Variants in HERPUD2 observed in about 807,000 individuals in gnomAD.
HERPUD2 encodes homocysteine-responsive endoplasmic reticulum-resident ubiquitin-like domain member 2 protein.
A neutral mutation model predicts 49.9 loss-of-function variants in HERPUD2; 13 were observed. The observed-to-expected ratio is 0.26, with a 90% confidence interval of 0.17 to 0.41. HERPUD2 has a LOEUF of 0.41. Among genes scored for constraint, HERPUD2 ranks in the 10% least tolerant of loss-of-function variants. The probability of loss-of-function intolerance (pLI) is 1.00; values close to 1 mark genes in which losing one functional copy is unlikely to be tolerated. For synonymous variants in HERPUD2, 172 were observed against 171.4 expected, an observed-to-expected ratio of 1.00 and a Z score of -0.03; for missense variants, 449 against 492.2, an observed-to-expected ratio of 0.91 and a Z score of 0.83.
intron 5 of HERPUD2, among the ~76,000 whole-genome samples, chr7:35,663,204 C>A (rs189526842): frequency 1.3e-5 from 2 of 152,234 alleles, no homozygotes; most frequent in African/African-American, 4.8e-5. Flanking sequence ...TAATTCTGAG[C>A]TTTAGTTTGA....
At position 35,667,572 on chromosome 7, in the gene HERPUD2, C is replaced by T; in HGVS notation, c.356G>A (p.Gly119Glu). Residue 119 changes from glycine (G) to glutamate (E), a missense_variant, in exon 5 of 9, where the codon GGA becomes GAA. By Grantham distance (98) the Gly-to-Glu change is moderately conservative. Coordinates refer to ENST00000311350, the MANE Select transcript of HERPUD2 (RefSeq NM_022373.5). ...TTGACCAGATGATGGAGTTGTTGAT[C>T]CTGAATGATCTGAACTCTACAAATA... ...SSSNSSSDHS[G>E]STTPSSGQET... 1 of 1,612,566 alleles carries T rather than the reference C, an allele frequency of 6.2e-7. No homozygotes were observed. Among genetic ancestry groups the T allele is most frequent in the Non-Finnish European group, 8.5e-7 (1 of 1,178,768 alleles).
chr7:35,667,605 A>T lies in HERPUD2; in HGVS notation c.340-17T>A, dbSNP rs772028671. 1 of 1,574,836 alleles carries T rather than the reference A, an allele frequency of 6.3e-7. No homozygotes were observed. Among genetic ancestry groups the T allele is most frequent in the Non-Finnish European group, 8.7e-7 (1 of 1,147,452 alleles). ...ATCTGAACTCTACAAATAAAAATGT[A>T]ATTTTTAAAAGGAGATTTAGTTCTT... On this transcript the variant is annotated splice_polypyrimidine_tract_variant and intron_variant, in intron 4 of 8. Coordinates refer to ENST00000311350, the MANE Select transcript of HERPUD2 (RefSeq NM_022373.5).
chr7:35,682,343 G>A (rs1209748079), intron 2 of HERPUD2, among the ~76,000 whole-genome samples: 1 of 37,798 alleles, frequency 2.6e-5, no homozygotes, highest in Admixed American at 2.3e-4. Context: ...GTGTGTGTGT[G>A]TGTGTGTGTG....
chr7:35,694,607 C>T lies in HERPUD2; in HGVS notation c.-277G>A. 2.1e-6 allele frequency: 1 copy of T among 475,190 alleles called. No individual in the cohort carries two copies. The highest frequency in any genetic ancestry group is 3.3e-5 in the Admixed American group (1 of 30,318). The allele number at this position is 475,190 out of a possible 1,614,324, so 29.4% of individuals were successfully genotyped here. A position where few individuals can be genotyped will look rare whatever the true frequency, so the allele number is the denominator to read the frequency against. ...TCCGCCGGGCTCCGGACTGTGGAGGCCGTCGTGAGGAGAAAGGAAGCTATA... is the reference window on the plus strand; with the variant it reads ...TCCGCCGGGCTCCGGACTGTGGAGGTCGTCGTGAGGAGAAAGGAAGCTATA... On this transcript the variant is annotated 5_prime_UTR_variant, in exon 2 of 9. Transcript: ENST00000311350.
At chr7:35,657,977 C>A (rs1294783336) in intron 5 of HERPUD2, among the ~76,000 whole-genome samples, 1 of 151,928 alleles carries the variant, frequency 6.6e-6, no homozygotes, top group East Asian at 1.9e-4. Flanking sequence ...ATCCAGCAAT[C>A]CCACTACTAG....
intron 5 of HERPUD2, among the ~76,000 whole-genome samples, chr7:35,647,237 ATTGC>A (rs1785071798): frequency 6.6e-6 from 1 of 151,992 alleles, no homozygotes; most frequent in Non-Finnish European, 1.5e-5. Context: ...AGACTCTGCG[ATTGC>A]TTTATTCTCC....
chr7:35,638,447 G>T lies in HERPUD2; in HGVS notation c.520C>A (p.Gln174Lys). Residue 174 changes from glutamine to lysine, a missense_variant, in exon 6 of 9, where the codon CAA (glutamine) becomes AAA (lysine). Physicochemically the swap from Gln to Lys is moderately conservative, Grantham distance 53. Transcript: ENST00000311350. ...QGNVDNQFPG[Q>K]AAPPGFPVYP... Reference sequence around the variant, plus strand: ...ACTGGGAATCCAGGTGGAGCAGCTTGCCCAGGAAATTGGTTGTCTACATTT... The same window carrying T: ...ACTGGGAATCCAGGTGGAGCAGCTTTCCCAGGAAATTGGTTGTCTACATTT... 6.2e-7 allele frequency: 1 copy of T among 1,613,396 alleles called. No homozygotes were observed. Among genetic ancestry groups the T allele is most frequent in the Non-Finnish European group, 8.5e-7 (1 of 1,179,510 alleles).
chr7:35,641,495 A>G (rs1168531754), intron 5 of HERPUD2, among the ~76,000 whole-genome samples: 1 of 152,182 alleles, frequency 6.6e-6, no homozygotes, highest in Non-Finnish European at 1.5e-5. Flanking sequence ...TATGGAACCA[A>G]AAAAGAGCCT....
At chr7:35,660,699 T>C (rs1785397458) in intron 5 of HERPUD2, among the ~76,000 whole-genome samples, 2 of 152,246 alleles carry the variant, frequency 1.3e-5, no homozygotes, top group Admixed American at 1.3e-4. Context: ...CCTGTTCATA[T>C]ACTTTGCCCA....
chr7:35,678,148 G>A (rs1043423672), intron 2 of HERPUD2, among the ~76,000 whole-genome samples: 1 of 152,048 alleles, frequency 6.6e-6, no homozygotes, highest in African/African-American at 2.4e-5. Context: ...ACTAACAGCA[G>A]GCTGTGTATG....
At position 35,673,216 on chromosome 7, in the gene HERPUD2, T is replaced by C. The variant is rs1785682112; in HGVS notation, c.210A>G (p.Lys70=). The C allele has an allele frequency of 3.1e-6, 5 of 1,611,848 alleles. No individual in the cohort carries two copies. The highest frequency in any genetic ancestry group is 4.2e-6 in the Non-Finnish European group (5 of 1,178,746). The change falls in exon 3 of 9, where the codon AAA becomes AAG. Residue 70 remains lysine, a synonymous_variant. Transcript: ENST00000311350. ...AAAAGCTTACTTTTCTGAGAATGTC[T>C]TTCAGCTGCAGATGATCGGGAAGCA... ...GRLLPDHLQL[K]DILRKQDEYH... is the part of the protein sequence containing the mutation.
At chr7:35,666,607 T>G (rs1785541138) in intron 5 of HERPUD2, among the ~76,000 whole-genome samples, 1 of 152,204 alleles carries the variant, frequency 6.6e-6, no homozygotes, top group African/African-American at 2.4e-5. Flanking sequence ...TCAAGCTTCC[T>G]TTACCTCAAA....
At chr7:35,677,514 G>C (rs772352532) in intron 2 of HERPUD2, among the ~76,000 whole-genome samples, 7 of 152,000 alleles carry the variant, frequency 4.6e-5, no homozygotes, top group Non-Finnish European at 1.0e-4. Context: ...GGTGTAGCAG[G>C]GTAAAAACCT....
intron 5 of HERPUD2, among the ~76,000 whole-genome samples, chr7:35,643,547 T>G (rs1194875752): frequency 6.6e-6 from 1 of 152,110 alleles, no homozygotes; most frequent in Non-Finnish European, 1.5e-5. Flanking sequence ...TTAAGAAGAA[T>G]ATGCATAATA....
At chr7:35,647,012 A>T (rs1785066059) in intron 5 of HERPUD2, among the ~76,000 whole-genome samples, 1 of 152,222 alleles carries the variant, frequency 6.6e-6, no homozygotes, top group African/African-American at 2.4e-5. Context: ...TGTCATTCAC[A>T]ATTATATACT....
At chr7:35,644,672 C>T (rs780685108) in intron 5 of HERPUD2, among the ~76,000 whole-genome samples, 1 of 152,078 alleles carries the variant, frequency 6.6e-6, no homozygotes, top group Non-Finnish European at 1.5e-5. Context: ...GAGGCTGACA[C>T]AGGAGAATCA....
In HERPUD2 at chr7:35,667,421, C is replaced by T; in HGVS notation, c.494+13G>A. The T allele has an allele frequency of 6.2e-7, 1 of 1,602,288 alleles. No individual in the cohort carries two copies. On this transcript the variant is annotated intron_variant, in intron 5 of 8. Coordinates refer to ENST00000311350, the MANE Select transcript of HERPUD2 (RefSeq NM_022373.5). ...CCCCAATCACATTCCATAGCTACCA[C>T]AATTTCACTTACCCTTGCATTACAT...
At chr7:35,686,747 C>A (rs1367740491) in intron 2 of HERPUD2, among the ~76,000 whole-genome samples, 696 of 20,532 alleles carry the variant, frequency 0.034, 92 homozygotes, top group African/African-American at 0.098. Flanking sequence ...AAAAAAAAAC[C>A]AAACCCATTT....
At chr7:35,644,746 G>A (rs1785024475) in intron 5 of HERPUD2, among the ~76,000 whole-genome samples, 1 of 152,110 alleles carries the variant, frequency 6.6e-6, no homozygotes, top group Admixed American at 6.6e-5. Context: ...TAGCCTGGGG[G>A]AAACAGTGAG....
Sources: allele counts gnomAD v4.1 joint callset (sites outside exome capture counted in the v4.1 genomes callset), GRCh38; gene constraint gnomAD v4.1.1; transcripts MANE v1.5; gene names NCBI Gene and HGNC (gene_info 2026-07-23, HGNC 2026-07-21).